TAF1B: variants seen among roughly 807,000 people sequenced by gnomAD.
TAF1B encodes TATA box-binding protein-associated factor RNA polymerase I subunit B.
TAF1B carries 61 observed loss-of-function variants against 83.9 expected under a neutral mutation model. The ratio of observed to expected loss-of-function variants is 0.73; its 90% CI spans 0.59 to 0.90. TAF1B has a LOEUF of 0.90. Ranked by LOEUF, TAF1B falls within the 40% of genes least tolerant of loss-of-function variation. TAF1B has a pLI of 0.00. For missense variants in TAF1B, 625 were observed against 677.0 expected (o/e 0.92, Z 0.85); for synonymous variants, 221 against 224.6 (o/e 0.98, Z 0.14).
chr2:9,863,092 A>G (rs1350559217), intron 5 of TAF1B, among the ~76,000 whole-genome samples: 1 of 152,214 alleles, frequency 6.6e-6, no homozygotes, highest in Non-Finnish European at 1.5e-5. Context: ...ATTCACACAT[A>G]ACAATATTAA....
intron 5 of TAF1B, among the ~76,000 whole-genome samples, chr2:9,862,941 G>A (rs982746915): frequency 6.6e-6 from 1 of 152,124 alleles, no homozygotes; most frequent in African/African-American, 2.4e-5. Flanking sequence ...GCTCCTGAAG[G>A]AAGCACTAAA....
chr2:9,849,377 A>G lies in TAF1B; in HGVS notation c.122A>G (p.Tyr41Cys), dbSNP rs760318770. 1.9e-6 allele frequency: 3 copies of G among 1,594,892 alleles called. No individual in the cohort carries two copies. The highest frequency in any genetic ancestry group is 2.6e-6 in the Non-Finnish European group (3 of 1,170,448). The change falls in exon 3 of 15, where the codon TAT becomes TGT. Residue 41 changes from tyrosine to cysteine, a missense_variant. Tyr to Cys is a radical substitution (Grantham distance 194, BLOSUM62 -2). Coordinates refer to ENST00000263663, the MANE Select transcript of TAF1B (RefSeq NM_005680.3). ...GTCTTTTTCTCTTTCCTGCAGAGAT[A>G]TCAGGAAGTTACAAACACTGATCTT... ...CTSCHNVTER[Y>C]QEVTNTDLIP...
At chr2:9,866,853 G>A (rs1470429549) in intron 5 of TAF1B, among the ~76,000 whole-genome samples, 2 of 151,740 alleles carry the variant, frequency 1.3e-5, no homozygotes, top group African/African-American at 2.4e-5. Flanking sequence ...ACCAAACATC[G>A]CATGTTCTCA....
At chr2:9,856,251 G>T (rs1663563681) in intron 5 of TAF1B, among the ~76,000 whole-genome samples, 1 of 151,568 alleles carries the variant, frequency 6.6e-6, no homozygotes, top group Non-Finnish European at 1.5e-5. Flanking sequence ...GATAGTGATG[G>T]TTAAATGTTA....
intron 8 of TAF1B, among the ~76,000 whole-genome samples, chr2:9,900,751 C>T (rs1403978129): frequency 6.6e-6 from 1 of 151,998 alleles, no homozygotes; most frequent in Non-Finnish European, 1.5e-5. Context: ...AGGGAGGTGT[C>T]AAGGATGTTC....
At chr2:9,857,593 C>T (rs1175831738) in intron 5 of TAF1B, among the ~76,000 whole-genome samples, 1 of 152,144 alleles carries the variant, frequency 6.6e-6, no homozygotes, top group Non-Finnish European at 1.5e-5. Flanking sequence ...TATAAAAATA[C>T]TACCTGAGAC....
chr2:9,843,447 G>A (rs1663081311), upstream of TAF1B: 1 of 1,347,254 alleles, frequency 7.4e-7, no homozygotes, highest in African/African-American at 2.7e-5. Flanking sequence ...CGCGGATCTC[G>A]CGTTTCCGGC....
intron 1 of TAF1B, chr2:9,844,484 A>G (rs1018081082): frequency 6.6e-5 from 10 of 152,186 alleles, no homozygotes; most frequent in African/African-American, 2.2e-4. Context: ...GATGGTATTA[A>G]ATGATACTCG....
chr2:9,931,303 T>C (rs1666203944), intron 14 of TAF1B, among the ~76,000 whole-genome samples: 1 of 152,248 alleles, frequency 6.6e-6, no homozygotes. Flanking sequence ...CAGCGGCTGA[T>C]ACCGGTTGCT....
intron 14 of TAF1B, among the ~76,000 whole-genome samples, chr2:9,922,055 A>G (rs189380510): frequency 3.8e-3 from 585 of 152,324 alleles, no homozygotes; most frequent in Middle Eastern, 0.014. Flanking sequence ...TCATCCCCAT[A>G]TTGACATAGA....
intron 14 of TAF1B, among the ~76,000 whole-genome samples, chr2:9,923,679 C>CA (rs34590203): frequency 0.011 from 1,629 of 147,842 alleles, 29 homozygotes; most frequent in African/African-American, 0.037. Flanking sequence ...AACTCTGTCT[C>CA]AAAAAAAAAA....
At chr2:9,863,286 G>A (rs1328039077) in intron 5 of TAF1B, among the ~76,000 whole-genome samples, 1 of 152,148 alleles carries the variant, frequency 6.6e-6, no homozygotes, top group African/African-American at 2.4e-5. Context: ...AAAAAGGCAG[G>A]GGTTGTAATC....
intron 8 of TAF1B, among the ~76,000 whole-genome samples, chr2:9,893,754 GT>G (rs1270735919): frequency 1.3e-5 from 2 of 152,082 alleles, no homozygotes; most frequent in Non-Finnish European, 2.9e-5. Flanking sequence ...GTATAATACT[GT>G]CTTTTTAAAA....
chr2:9,894,743 C>T (rs1304133675), intron 8 of TAF1B, among the ~76,000 whole-genome samples: 1 of 135,744 alleles, frequency 7.4e-6, no homozygotes. Context: ...GAATGGGAAC[C>T]TGGTGTTACA....
intron 5 of TAF1B, among the ~76,000 whole-genome samples, chr2:9,863,947 A>C (rs1663871149): frequency 6.6e-6 from 1 of 152,216 alleles, no homozygotes; most frequent in South Asian, 2.1e-4. Flanking sequence ...CATTCGAAGC[A>C]GTGTGTAGAG....
At position 9,934,053 on chromosome 2, in the gene TAF1B, A is replaced by G. The variant is rs1666302157; in HGVS notation, c.*69A>G. On this transcript the variant is annotated 3_prime_UTR_variant, in exon 15 of 15. Transcript: ENST00000263663. The stretch of plus-strand genomic sequence containing the variant: ...TAATAACATCAGATTTTAATATAAC[A>G]TTCCAGAGAATTGTGGAAAATACTG... 3 of 1,256,260 alleles carry G rather than the reference A, an allele frequency of 2.4e-6. No individual in the cohort carries two copies. Among genetic ancestry groups the G allele is most frequent in the Non-Finnish European group, 3.3e-6 (3 of 913,240 alleles). The allele number at this position is 1,256,260 out of a possible 1,614,324, so 77.8% of individuals were successfully genotyped here. A position where few individuals can be genotyped will look rare whatever the true frequency, so the allele number is the denominator to read the frequency against.
intron 7 of TAF1B, among the ~76,000 whole-genome samples, chr2:9,879,110 C>T (rs1423726185): frequency 6.6e-6 from 1 of 152,134 alleles, no homozygotes; most frequent in Non-Finnish European, 1.5e-5. Flanking sequence ...GCACGGAACC[C>T]TATATACACT....
intron 2 of TAF1B, among the ~76,000 whole-genome samples, chr2:9,848,483 G>A (rs1006397130): frequency 6.6e-6 from 1 of 152,038 alleles, no homozygotes; most frequent in Non-Finnish European, 1.5e-5. Flanking sequence ...CCTGACCAAC[G>A]TGGAGAAACC....
chr2:9,929,142 T>TTTGTTGTTGTTGTTGTTG (rs70948857), intron 14 of TAF1B, among the ~76,000 whole-genome samples: 3,103 of 151,008 alleles, frequency 0.021, 73 homozygotes, highest in African/African-American at 0.058. Context: ...ATTGGTTCTG[T>TTTGTTGTTGTTGTTGTTG]TTGTTGTTGT....
Sources: gnomAD v4.1 joint callset for allele counts (sites outside exome capture counted in the v4.1 genomes callset) on GRCh38, gnomAD v4.1.1 for gene constraint, MANE v1.5 for transcripts, NCBI Gene and HGNC (gene_info 2026-07-23, HGNC 2026-07-21) for gene names.